Variants in TENM2 observed in about 807,000 individuals in gnomAD.
TENM2 encodes the protein teneurin transmembrane protein 2, also known as teneurin-2.
Under a neutral mutation model 245.2 loss-of-function variants are expected in TENM2, and 52 were observed. The observed-to-expected ratio is 0.21, with a 90% CI of 0.17 to 0.27. The LOEUF (loss-of-function observed/expected upper bound fraction) is 0.27. TENM2 is among the 10% of genes least tolerant of loss of function. The probability of loss-of-function intolerance (pLI) is 1.00; values close to 1 mark genes in which losing one functional copy is unlikely to be tolerated. For missense variants in TENM2, 3,046 were observed against 3,666.8 expected (o/e 0.83, Z 4.37); for synonymous variants, 1,363 against 1,438.9 (o/e 0.95, Z 1.19).
chr5:167,214,815 T>C, the TENM2 span, among the ~76,000 whole-genome samples: 58 of 152,334 alleles, frequency 3.8e-4, no homozygotes, highest in African/African-American at 1.4e-3. Context: ...ATTTGCCTTA[T>C]TGTACAGACA....
chr5:167,582,838 C>T (rs1775188332), intron 2 of TENM2, among the ~76,000 whole-genome samples: 1 of 152,082 alleles, frequency 6.6e-6, no homozygotes, highest in African/African-American at 2.4e-5. Flanking sequence ...AACACTATTT[C>T]TCTTTTAGCT....
intron 21 of TENM2, 129 bp from the exon 24 acceptor site, chr5:168,216,639 G>A: frequency 1.2e-6 from 1 of 808,742 alleles, no homozygotes; most frequent in South Asian, 1.6e-5. Context: ...ACTGCTCTGA[G>A]GGTACTAATC....
At chr5:168,028,197 CAT>C (rs1380803411) in intron 5 of TENM2, among the ~76,000 whole-genome samples, 2 of 152,186 alleles carry the variant, frequency 1.3e-5, no homozygotes, top group African/African-American at 2.4e-5. Flanking sequence ...CTCAATATCA[CAT>C]GTCTCTAAGG....
At chr5:167,841,860 CT>C (rs1261070058) in intron 2 of TENM2, among the ~76,000 whole-genome samples, 1 of 151,682 alleles carries the variant, frequency 6.6e-6, no homozygotes, top group East Asian at 1.9e-4. Context: ...TTGCCTTTGT[CT>C]TTTTTGATTG....
At chr5:168,094,876 G>A (rs912583995) in intron 8 of TENM2, among the ~76,000 whole-genome samples, 15 of 152,040 alleles carry the variant, frequency 9.9e-5, no homozygotes, top group Admixed American at 2.6e-4. Context: ...ACTGAGCTCC[G>A]CCCCCTGTCA....
intron 2 of TENM2, among the ~76,000 whole-genome samples, chr5:167,794,662 G>A (rs918139741): frequency 1.3e-5 from 2 of 152,216 alleles, no homozygotes; most frequent in African/African-American, 4.8e-5. Context: ...TGAAAGGTGA[G>A]TAGGAGTCAG....
intron 2 of TENM2, among the ~76,000 whole-genome samples, chr5:167,423,371 T>C (rs886575521): frequency 6.6e-6 from 1 of 152,208 alleles, no homozygotes; most frequent in Non-Finnish European, 1.5e-5. Context: ...TTTGGACTTA[T>C]TGTTGGTAAA....
At chr5:167,689,342 A>G (rs1047497826) in intron 2 of TENM2, among the ~76,000 whole-genome samples, 2 of 152,204 alleles carry the variant, frequency 1.3e-5, no homozygotes, top group Non-Finnish European at 2.9e-5. Flanking sequence ...TGCATCCTGC[A>G]TAAATGGGCA....
intron 3 of TENM2, among the ~76,000 whole-genome samples, chr5:167,896,402 G>A (rs1273425679): frequency 6.6e-6 from 1 of 152,232 alleles, no homozygotes; most frequent in Admixed American, 6.5e-5. Context: ...GAAGGCCCTT[G>A]TCTGCCTTCC....
intron 2 of TENM2, among the ~76,000 whole-genome samples, chr5:167,752,572 C>T (rs1762033878): frequency 2.0e-5 from 3 of 152,250 alleles, no homozygotes; most frequent in African/African-American, 4.8e-5. Context: ...TGATGGATCT[C>T]TGCTGAAAAG....
At chr5:167,200,058 C>T in the TENM2 span, among the ~76,000 whole-genome samples, 2,803 of 152,108 alleles carry the variant, frequency 0.018, 91 homozygotes, top group African/African-American at 0.064. Flanking sequence ...TTCCACACCA[C>T]CCACTGCTTC....
intron 1 of TENM2, among the ~76,000 whole-genome samples, chr5:167,340,489 A>G (rs776312064): frequency 6.6e-5 from 10 of 152,296 alleles, no homozygotes; most frequent in South Asian, 2.1e-4. Context: ...CTTTCTTGCT[A>G]TGCCCTCAGA....
intron 2 of TENM2, among the ~76,000 whole-genome samples, chr5:167,416,152 T>A (rs2127414014): frequency 6.6e-6 from 1 of 152,240 alleles, no homozygotes; most frequent in African/African-American, 2.4e-5. Flanking sequence ...AAATCAAAAG[T>A]CTCACTTCTT....
the TENM2 span, among the ~76,000 whole-genome samples, chr5:167,271,229 G>A: frequency 4.9e-4 from 75 of 152,196 alleles, no homozygotes; most frequent in Non-Finnish European, 8.2e-4. Context: ...CTGTTTTTCC[G>A]GTTATGGTAA....
At chr5:168,168,403 G>T (rs1466328817) in intron 13 of TENM2, among the ~76,000 whole-genome samples, 1 of 152,138 alleles carries the variant, frequency 6.6e-6, no homozygotes, top group African/African-American at 2.4e-5. Context: ...ATGAAGTCTG[G>T]GCATGGTGGC....
intron 2 of TENM2, among the ~76,000 whole-genome samples, chr5:167,624,907 G>C (rs926365596): frequency 6.6e-6 from 1 of 152,092 alleles, no homozygotes; most frequent in African/African-American, 2.4e-5. Flanking sequence ...TATAAACAAG[G>C]TACTAGTTGC....
chr5:167,029,522 C>T, the TENM2 span, among the ~76,000 whole-genome samples: 2 of 152,188 alleles, frequency 1.3e-5, no homozygotes, highest in African/African-American at 4.8e-5. Context: ...CTCCCTTCAG[C>T]ACTGGGAGTT....
At chr5:168,133,796 T>C (rs1328730429) in intron 12 of TENM2, among the ~76,000 whole-genome samples, 1 of 152,240 alleles carries the variant, frequency 6.6e-6, no homozygotes, top group Non-Finnish European at 1.5e-5. Context: ...ACATGGCTCA[T>C]CCATCCACGT....
rs539939405 is a variant in TENM2 at position 167,354,241 on chromosome 5, G to A, written c.227-20957G>A. On this transcript the variant is annotated intron_variant, in intron 1 of 28. Transcript: ENST00000518659. ...GGTGTCACAGTTCCTGAGACCAAGG[G>A]CCACTCAATTCTCTACTTCTTTAAA... Among the ~76,000 whole-genome samples the A allele has an allele frequency of 2.0e-5, 3 of 152,318 alleles. No homozygotes were observed. In the South Asian group the frequency reaches 6.2e-4, roughly 32 times the overall value.
Sources: gnomAD v4.1 joint callset for allele counts (sites outside exome capture counted in the v4.1 genomes callset) on GRCh38, gnomAD v4.1.1 for gene constraint, MANE v1.5 for transcripts, NCBI Gene and HGNC (gene_info 2026-07-23, HGNC 2026-07-21) for gene names.